ARID3B: variants seen among roughly 807,000 people sequenced by gnomAD.
The protein encoded by ARID3B is AT-rich interactive domain-containing protein 3B.
ARID3B carries 10 observed loss-of-function variants against 51.9 expected under a neutral mutation model. The ratio of observed to expected loss-of-function variants is 0.19; its 90% CI spans 0.12 to 0.33. The LOEUF is 0.33. ARID3B is among the 10% of genes least tolerant of loss of function. ARID3B has a pLI of 1.00. For synonymous variants in ARID3B, 205 were observed against 279.5 expected, an observed-to-expected ratio of 0.73 and a Z score of 2.66; for missense variants, 483 against 716.3, an observed-to-expected ratio of 0.67 and a Z score of 3.72.
At chr15:74,567,872 C>A (rs2061705308) in intron 2 of ARID3B, among the ~76,000 whole-genome samples, 1 of 152,130 alleles carries the variant, frequency 6.6e-6, no homozygotes, top group African/African-American at 2.4e-5. Flanking sequence ...GAAATGGGTT[C>A]CAGGGTTGAG....
intron 7 of ARID3B, among the ~76,000 whole-genome samples, chr15:74,592,028 G>C (rs2061805615): frequency 6.6e-6 from 1 of 152,228 alleles, no homozygotes; most frequent in Non-Finnish European, 1.5e-5. Context: ...TGTTGCCTCA[G>C]GCAGTGCCCT....
Position 74,596,004 on chromosome 15 carries a change from C to T in ARID3B, c.*230C>T. 3.9e-6 allele frequency: 2 copies of T among 512,656 alleles called. No homozygotes were observed. The highest frequency in any genetic ancestry group is 6.8e-6 in the Non-Finnish European group (2 of 292,324). The allele number at this position is 512,656 out of a possible 1,614,324, so 31.8% of individuals were successfully genotyped here. On this transcript the variant is annotated 3_prime_UTR_variant, in exon 9 of 9. Coordinates refer to ENST00000346246, the MANE Select transcript of ARID3B (RefSeq NM_006465.4). ...CAGCGTTGTCCAATCAGGGATTGTCCTGGAGAACTGGGTGGGGGTCTGTGG... is the reference window on the plus strand; with the variant it reads ...CAGCGTTGTCCAATCAGGGATTGTCTTGGAGAACTGGGTGGGGGTCTGTGG...
chr15:74,579,885 A>G lies in ARID3B; in HGVS notation c.697+6681A>G, dbSNP rs547322374. ...TGTGTGTGTGTGTGCGCGCGCGCGCACACGCAAAAAATACACACGTTTCAG... is the reference window on the plus strand; with the variant it reads ...TGTGTGTGTGTGTGCGCGCGCGCGCGCACGCAAAAAATACACACGTTTCAG... On this transcript the variant is annotated intron_variant, in intron 4 of 8. Transcript: ENST00000346246. Among the ~76,000 whole-genome samples, 243 of 134,928 alleles carry G rather than the reference A, an allele frequency of 1.8e-3. 1 individual carries two copies. The highest frequency in any genetic ancestry group is 4.4e-3 in the South Asian group (19 of 4,340). The allele number at this position is 134,928 out of a possible 152,430, so 88.5% of individuals were successfully genotyped here.
Position 74,581,898 on chromosome 15 carries a change from T to C in ARID3B, c.698-7922T>C, listed in dbSNP as rs377743068. Among the ~76,000 whole-genome samples, 8 of 152,348 alleles carry C rather than the reference T, an allele frequency of 5.3e-5. No homozygotes were observed. In the East Asian group the frequency reaches 1.2e-3, roughly 22 times the overall value. ...ATCTAAGAGTTGGTATGGTGAAAAG[T>C]TGCAGTGAGTGTTTGGCCTGCTTAC... On this transcript the variant is annotated intron_variant, in intron 4 of 8. Coordinates refer to ENST00000346246, the MANE Select transcript of ARID3B (RefSeq NM_006465.4).
intron 2 of ARID3B, among the ~76,000 whole-genome samples, chr15:74,554,712 C>T (rs1201978189): frequency 6.6e-6 from 1 of 152,078 alleles, no homozygotes; most frequent in African/African-American, 2.4e-5. Flanking sequence ...ATGTCCTTTG[C>T]TGGTCTAGAA....
intron 2 of ARID3B, among the ~76,000 whole-genome samples, chr15:74,549,417 T>C (rs564639615): frequency 2.3e-4 from 34 of 149,392 alleles, no homozygotes; most frequent in African/African-American, 8.2e-4. Flanking sequence ...ATGACTATCA[T>C]TAGCTGGGTG....
intron 1 of ARID3B, among the ~76,000 whole-genome samples, chr15:74,541,695 G>A (rs1426158566): frequency 6.6e-6 from 1 of 151,622 alleles, no homozygotes; most frequent in Non-Finnish European, 1.5e-5. Context: ...ATGGGGGGAG[G>A]CGTGCAGGGG....
chr15:74,566,181 A>C (rs2061697466), intron 2 of ARID3B, among the ~76,000 whole-genome samples: 1 of 152,164 alleles, frequency 6.6e-6, no homozygotes, highest in Admixed American at 6.6e-5. Context: ...CCCCCAGTGC[A>C]GGCTTTCCCT....
chr15:74,585,447 C>G (rs2061777215), intron 4 of ARID3B, among the ~76,000 whole-genome samples: 1 of 152,226 alleles, frequency 6.6e-6, no homozygotes, highest in Admixed American at 6.5e-5. Flanking sequence ...GAGAAAATCT[C>G]AAACTATCTG....
chr15:74,554,752 T>C (rs2061651046), intron 2 of ARID3B, among the ~76,000 whole-genome samples: 1 of 152,254 alleles, frequency 6.6e-6, no homozygotes, highest in Non-Finnish European at 1.5e-5. Context: ...ATTCTTCTAT[T>C]GGTTACTTTT....
In ARID3B at chr15:74,591,297, C is replaced by T. The variant is rs1310688899; in HGVS notation, c.1028C>T (p.Ala343Val). 1 of 1,613,544 alleles carries T rather than the reference C, an allele frequency of 6.2e-7. No individual in the cohort carries two copies. The highest frequency in any genetic ancestry group is 8.5e-7 in the Non-Finnish European group (1 of 1,179,932). ...SSLFGYSPAA[A>V]TAAAAAGAPA... is the part of the protein sequence containing the mutation. ...CTCTTTGGCTACTCACCTGCTGCGG[C>T]TACTGCTGCTGCCGCTGCCGGGGCC... The change falls in exon 6 of 9, where the codon GCT becomes GTT. Residue 343 changes from alanine (A) to valine (V), a missense_variant. Coordinates refer to ENST00000346246, the MANE Select transcript of ARID3B (RefSeq NM_006465.4). The surrounding 1 kb of genome is among the most constrained non-coding windows in gnomAD (Gnocchi z 5.8).
In ARID3B at chr15:74,597,223, G is replaced by T. The variant is rs568641334; in HGVS notation, c.*1449G>T. The T allele has an allele frequency of 2.7e-6, 1 of 371,324 alleles. No homozygotes were observed. The highest frequency in any genetic ancestry group is 2.1e-5 in the African/African-American group (1 of 48,014). The allele number at this position is 371,324 out of a possible 1,614,324, so 23.0% of individuals were successfully genotyped here. On this transcript the variant is annotated 3_prime_UTR_variant, in exon 9 of 9. Transcript: ENST00000346246. The stretch of plus-strand genomic sequence containing the variant: ...CCTGGACCCTGCGCGGGAGCAGGCA[G>T]CTCCTGTGCTGTAAAGAAAATTGAT...
rs2061802918 is a variant in ARID3B, at chr15:74,591,444, G to A, written c.1165+10G>A. On this transcript the variant is annotated intron_variant, in intron 6 of 8. Transcript: ENST00000346246. The surrounding 1 kb of genome is among the most constrained non-coding windows in gnomAD (Gnocchi z 5.8). ...ACCACTCTCAGGAAAGGTCAGCAGG[G>A]CTCCTGGGGGAGAAGGAAGAAAGGG... 3 of 1,598,744 alleles carry A rather than the reference G, an allele frequency of 1.9e-6. No homozygotes were observed. The highest frequency in any genetic ancestry group is 2.6e-6 in the Non-Finnish European group (3 of 1,168,324).
At chr15:74,594,545 C>T (rs906790800) in intron 8 of ARID3B, among the ~76,000 whole-genome samples, 2 of 152,256 alleles carry the variant, frequency 1.3e-5, no homozygotes, top group Non-Finnish European at 2.9e-5. Context: ...TGCGGAGTGT[C>T]AGCCAGCCTG....
At chr15:74,582,351 A>G (rs1173639078) in intron 4 of ARID3B, among the ~76,000 whole-genome samples, 1 of 152,058 alleles carries the variant, frequency 6.6e-6, no homozygotes, top group African/African-American at 2.4e-5. Flanking sequence ...TATTTTTAAT[A>G]TAGATGGGGT....
chr15:74,558,178 C>CTTTTT (rs1208034661), intron 2 of ARID3B, among the ~76,000 whole-genome samples: 3 of 104,660 alleles, frequency 2.9e-5, no homozygotes, highest in African/African-American at 1.2e-4. Context: ...TGGTTTGTGT[C>CTTTTT]TTTTTTTTTT....
rs569665693 is a variant in ARID3B, at chr15:74,576,205, G to A, written c.697+3001G>A. The stretch of plus-strand genomic sequence containing the variant: ...CCACCGCACCTGGTTACTGTAGGAC[G>A]TTTAGCAGTATCCATGGCCTCTATC... On this transcript the variant is annotated intron_variant, in intron 4 of 8. Coordinates refer to ENST00000346246, the MANE Select transcript of ARID3B (RefSeq NM_006465.4). 3.3e-5 allele frequency among the ~76,000 whole-genome samples: 5 copies of A among 152,160 alleles called. No homozygotes were observed. In the South Asian group the frequency reaches 1.0e-3, roughly 32 times the overall value.
At chr15:74,585,402 T>A (rs1231064967) in intron 4 of ARID3B, among the ~76,000 whole-genome samples, 1 of 152,220 alleles carries the variant, frequency 6.6e-6, no homozygotes, top group Non-Finnish European at 1.5e-5. Context: ...GACGTGAACT[T>A]CACAAATCTG....
chr15:74,563,112 G>C (rs538578092), intron 2 of ARID3B, among the ~76,000 whole-genome samples: 18 of 152,122 alleles, frequency 1.2e-4, no homozygotes, highest in Non-Finnish European at 2.2e-4. Context: ...TTTGAGCCTC[G>C]ACCACCTGTC....
Sources: allele counts gnomAD v4.1 joint callset (sites outside exome capture counted in the v4.1 genomes callset), GRCh38; gene constraint gnomAD v4.1.1; non-coding constraint Gnocchi (gnomAD v3.1); transcripts MANE v1.5; gene names NCBI Gene and HGNC (gene_info 2026-07-23, HGNC 2026-07-21).